Variants in RBBP8 observed in about 807,000 individuals in gnomAD.
The protein encoded by RBBP8 is DNA endonuclease RBBP8.
A neutral mutation model predicts 108.3 loss-of-function variants in RBBP8; 88 were observed. The ratio of observed to expected loss-of-function variants is 0.81; its 90% CI spans 0.68 to 0.97. The LOEUF (loss-of-function observed/expected upper bound fraction) is 0.97. RBBP8 is among the 50% of genes least tolerant of loss of function. The pLI is 0.00. For missense variants in RBBP8, 1,023 were observed against 1,049.0 expected, an observed-to-expected ratio of 0.98 and a Z score of 0.34; for synonymous variants, 332 against 348.2, an observed-to-expected ratio of 0.95 and a Z score of 0.52.
At chr18:23,005,664 C>A (rs72889623) in intron 15 of RBBP8, among the ~76,000 whole-genome samples, 32,361 of 151,876 alleles carry the variant, frequency 0.21, 3,714 homozygotes, top group East Asian at 0.39. Context: ...CCACCCACCT[C>A]GGCCTCCCAA....
intron 6 of RBBP8, among the ~76,000 whole-genome samples, chr18:22,975,900 A>G (rs1914461903): frequency 6.6e-6 from 1 of 152,082 alleles, no homozygotes; most frequent in African/African-American, 2.4e-5. Context: ...CAAAAGAAGA[A>G]TATTTTTCTA....
At position 22,921,202 on chromosome 18, in the gene RBBP8, AAAGG is replaced by A. The variant is rs993106415; in HGVS notation, c.-154+4189_-154+4192del. ...CAGAAACAGGAGTAAGGGATTAGTGAAAGGAAGGAAGGAAGGCCAATACAAAAGT... is the reference window on the plus strand; with the variant it reads ...CAGAAACAGGAGTAAGGGATTAGTGAAAGGAAGGAAGGCCAATACAAAAGT... On this transcript the variant is annotated intron_variant, in intron 3 of 4. Transcript: ENST00000577588. Among the ~76,000 whole-genome samples the A allele has an allele frequency of 3.2e-4, 49 of 152,276 alleles. 1 individual carries two copies. The highest frequency in any genetic ancestry group is 3.4e-3 in the Middle Eastern group (1 of 294).
intron 4 of RBBP8, among the ~76,000 whole-genome samples, chr18:22,960,094 C>T (rs977000969): frequency 2.4e-4 from 37 of 151,988 alleles, no homozygotes; most frequent in African/African-American, 6.8e-4. Flanking sequence ...GGGGTTTTAC[C>T]GTGTTAGCCA....
upstream of RBBP8, among the ~76,000 whole-genome samples, chr18:22,929,706 T>C (rs1442403251): frequency 6.6e-6 from 1 of 152,020 alleles, no homozygotes; most frequent in Non-Finnish European, 1.5e-5. Flanking sequence ...TAACTGCAAA[T>C]GGTTTTGCCT....
At chr18:22,921,447 C>T (rs1909590492) in intron 3 of RBBP8, among the ~76,000 whole-genome samples, 1 of 152,204 alleles carries the variant, frequency 6.6e-6, no homozygotes, top group Non-Finnish European at 1.5e-5. Flanking sequence ...TTCAGAGAAG[C>T]TCCTAGGACA....
intron 16 of RBBP8, among the ~76,000 whole-genome samples, chr18:23,009,785 C>T (rs189007035): frequency 1.3e-4 from 20 of 152,274 alleles, no homozygotes; most frequent in Middle Eastern, 3.4e-3. Flanking sequence ...CTTTTTTAGA[C>T]GGAGTCTTGC....
At chr18:23,006,234 G>C (rs902295346) in intron 15 of RBBP8, 129 bp from the exon 16 acceptor site, 1 of 774,204 alleles carries the variant, frequency 1.3e-6, no homozygotes, top group Non-Finnish European at 2.2e-6. Context: ...TAAATGAGTT[G>C]CTCAGAGGCC....
chr18:22,932,024 A>G (rs1910059238), upstream of RBBP8, among the ~76,000 whole-genome samples: 1 of 152,110 alleles, frequency 6.6e-6, no homozygotes, highest in Non-Finnish European at 1.5e-5. Context: ...AGAGAAGGGG[A>G]TGGATTTACA....
chr18:22,988,824 T>C (rs1915496539), intron 8 of RBBP8, among the ~76,000 whole-genome samples: 1 of 152,230 alleles, frequency 6.6e-6, no homozygotes, highest in Non-Finnish European at 1.5e-5. Context: ...CATGCAGTGC[T>C]GACAACCTCT....
At chr18:23,007,136 C>A (rs376572500) in intron 16 of RBBP8, among the ~76,000 whole-genome samples, 1 of 150,808 alleles carries the variant, frequency 6.6e-6, no homozygotes, top group African/African-American at 2.4e-5. Context: ...TTCTCCTGCC[C>A]CCGCCTCCCG....
rs144423180 is a variant in RBBP8, at chr18:22,978,878, T to A, written c.429-3340T>A. On this transcript the variant is annotated intron_variant, in intron 6 of 18. Coordinates refer to ENST00000327155, the MANE Select transcript of RBBP8 (RefSeq NM_002894.3). The stretch of plus-strand genomic sequence containing the variant: ...AAAGATAAGTGTGTGAAGTGATAGA[T>A]GTTAATTAGCTTGATTTAATCATTC... Among the ~76,000 whole-genome samples the A allele has an allele frequency of 6.0e-3, 909 of 152,368 alleles. 10 individuals are homozygous for A. Among genetic ancestry groups the A allele is most frequent in the South Asian group, 0.029 (142 of 4,830 alleles).
chr18:22,959,696 T>C (rs960117651), intron 4 of RBBP8, among the ~76,000 whole-genome samples: 1 of 151,826 alleles, frequency 6.6e-6, no homozygotes, highest in Admixed American at 6.6e-5. Flanking sequence ...CTTTTTATTA[T>C]TTGTTGATTG....
At chr18:22,929,517 C>CA (rs1909933159), upstream of RBBP8, 1 of 69,744 alleles carries the variant, frequency 1.4e-5, no homozygotes, top group East Asian at 4.3e-4. Flanking sequence ...TGTGAAGAGA[C>CA]AGGCGGGTGT....
chr18:22,972,372 A>AAAAATC (rs1914167958), intron 5 of RBBP8, among the ~76,000 whole-genome samples: 1 of 150,872 alleles, frequency 6.6e-6, no homozygotes, highest in East Asian at 2.0e-4. Flanking sequence ...AAAAAAAAAA[A>AAAAATC]AAATCAAAGA....
In RBBP8 at chr18:23,022,227, T is replaced by G. The variant is rs1175239210; in HGVS notation, c.2553T>G (p.Phe851Leu). 1 of 1,612,604 alleles carries G rather than the reference T, an allele frequency of 6.2e-7. No homozygotes were observed. Residue 851 changes from phenylalanine (F) to leucine (L), a missense_variant, in exon 18 of 19, where the codon TTT (phenylalanine) becomes TTG (leucine). Transcript: ENST00000327155. ...TTCCACCCAACACACCAGAGAATTT[T>G]TGGGAAGTTGGTTTTCCTTCCACTC... ...RYIPPNTPEN[F>L]WEVGFPSTQT...
At chr18:22,969,935 C>A (rs1407664610) in intron 5 of RBBP8, among the ~76,000 whole-genome samples, 3 of 152,304 alleles carry the variant, frequency 2.0e-5, no homozygotes, top group Non-Finnish European at 2.9e-5. Flanking sequence ...AAAATTGTTA[C>A]ATCTCAATAA....
At chr18:22,934,244 CAA>C (rs1207471771) in intron 1 of RBBP8, 1 of 152,242 alleles carries the variant, frequency 6.6e-6, no homozygotes, top group East Asian at 1.9e-4. Flanking sequence ...GAGATGCTAA[CAA>C]AAAGTGCCGG....
chr18:23,006,572 G>A, intron 16 of RBBP8, 140 bp downstream of exon 16: 1 of 729,334 alleles, frequency 1.4e-6, no homozygotes, highest in East Asian at 2.8e-5. Flanking sequence ...CGTAAACTCA[G>A]CTCACTGCAA....
chr18:22,995,919 T>G lies in RBBP8; in HGVS notation c.1940-455T>G, dbSNP rs191761502. ...TGGATTATACCTAGGAGTGGAATTG[T>G]TGGGCCATATGCCAATTCTACATTT... On this transcript the variant is annotated intron_variant, in intron 12 of 18. Coordinates refer to ENST00000327155, the MANE Select transcript of RBBP8 (RefSeq NM_002894.3). Among the ~76,000 whole-genome samples, 5 of 152,344 alleles carry G rather than the reference T, an allele frequency of 3.3e-5. No individual in the cohort carries two copies. In the East Asian group the frequency reaches 9.6e-4, roughly 29 times the overall value.
Sources: gnomAD v4.1 joint callset for allele counts (sites outside exome capture counted in the v4.1 genomes callset) on GRCh38, gnomAD v4.1.1 for gene constraint, MANE v1.5 for transcripts, NCBI Gene and HGNC (gene_info 2026-07-23, HGNC 2026-07-21) for gene names.